Variants in PCDHGA2 observed in about 807,000 individuals in gnomAD.
PCDHGA2 encodes protocadherin gamma-A2.
In PCDHGA2, 40 loss-of-function variants were observed where a neutral mutation model predicts 59.2. The ratio of observed to expected loss-of-function variants is 0.68; its 90% CI spans 0.52 to 0.88. The LOEUF (loss-of-function observed/expected upper bound fraction) is 0.88. PCDHGA2 is among the 40% of genes least tolerant of loss of function. The pLI is 0.00. For missense variants in PCDHGA2, 1,226 were observed against 1,204.0 expected (o/e 1.02, Z -0.27); for synonymous variants, 560 against 526.0 (o/e 1.06, Z -0.89).
intron 1 of PCDHGA2, chr5:141,374,879 G>C (rs767481676): frequency 6.2e-7 from 1 of 1,613,694 alleles, no homozygotes; most frequent in Admixed American, 1.7e-5. Flanking sequence ...GGCAGTGACT[G>C]CCACCGACCA....
rs374176829 is a variant in PCDHGA2 at position 141,350,876 on chromosome 5, C to A, written c.2424+9481C>A. The A allele has an allele frequency of 3.7e-6, 6 of 1,613,936 alleles. No homozygotes were observed. In the Admixed American group the frequency reaches 6.7e-5, roughly 18 times the overall value. On this transcript the variant is annotated intron_variant, in intron 1 of 3. Coordinates refer to ENST00000394576, the MANE Select transcript of PCDHGA2 (RefSeq NM_018915.4). The stretch of plus-strand genomic sequence containing the variant: ...AGACAGGGAACATCAGAGCTCTCAT[C>A]GCTTAATCCTGACTGCCATGGATGG...
chr5:141,393,274 T>G (rs747983531), intron 1 of PCDHGA2: 11 of 1,613,952 alleles, frequency 6.8e-6, no homozygotes, highest in Non-Finnish European at 9.3e-6. Flanking sequence ...CGTTATCCAC[T>G]CCCAGAAGCT....
At chr5:141,413,230 C>A in intron 1 of PCDHGA2, 1 of 1,613,942 alleles carries the variant, frequency 6.2e-7, no homozygotes. Context: ...CGGGCTGGTC[C>A]TGCTCTGCCT....
intron 1 of PCDHGA2, chr5:141,370,178 C>G (rs1214381916): frequency 2.2e-5 from 10 of 463,756 alleles, no homozygotes; most frequent in Non-Finnish European, 2.6e-5. Context: ...CGCCGGGTGC[C>G]GCTCTTGGCT....
chr5:141,430,904 T>C (rs2097322701), intron 1 of PCDHGA2: 5 of 1,606,730 alleles, frequency 3.1e-6, no homozygotes, highest in Middle Eastern at 1.7e-4. Context: ...GGGCGACATC[T>C]CCAGGGACCT....
intron 1 of PCDHGA2, chr5:141,402,822 C>G (rs1038768509): frequency 7.7e-7 from 1 of 1,302,260 alleles, no homozygotes; most frequent in African/African-American, 1.5e-5. Flanking sequence ...CAAACCTGCT[C>G]CCAGGCTGCA....
At chr5:141,468,783 G>T (rs908838744) in intron 1 of PCDHGA2, among the ~76,000 whole-genome samples, 5 of 151,346 alleles carry the variant, frequency 3.3e-5, no homozygotes, top group East Asian at 2.0e-4. Flanking sequence ...GGAGAATGGC[G>T]TGAACCCGGG....
In PCDHGA2 at chr5:141,357,289, G is replaced by C. The variant is rs369077752; in HGVS notation, c.2424+15894G>C. On this transcript the variant is annotated intron_variant, in intron 1 of 3. Transcript: ENST00000394576. Reference sequence around the variant, plus strand: ...CCTCACACTCTATCTCGTGGTGGCAGTGGCCGCTGTCTCCTGCGTCTTCCT... The same window carrying C: ...CCTCACACTCTATCTCGTGGTGGCACTGGCCGCTGTCTCCTGCGTCTTCCT... The C allele has an allele frequency of 1.9e-5, 31 of 1,613,842 alleles. No individual in the cohort carries two copies. Among genetic ancestry groups the C allele is most frequent in the African/African-American group, 2.7e-5 (2 of 74,940 alleles).
intron 1 of PCDHGA2, chr5:141,415,994 C>G: frequency 6.6e-6 from 2 of 303,006 alleles, no homozygotes; most frequent in East Asian, 6.9e-5. Context: ...GTTCTGAAGG[C>G]AGGTCTGGTA....
intron 1 of PCDHGA2, among the ~76,000 whole-genome samples, chr5:141,369,109 A>G (rs1037761317): frequency 1.3e-5 from 2 of 152,176 alleles, no homozygotes; most frequent in African/African-American, 4.8e-5. Flanking sequence ...TGGAATTAAA[A>G]CTGTAAGACA....
At chr5:141,344,169 G>T (rs1757378436) in intron 1 of PCDHGA2, 9 of 1,614,048 alleles carry the variant, frequency 5.6e-6, no homozygotes, top group Non-Finnish European at 7.6e-6. Context: ...TTCCTTCGTG[G>T]GCAACATCGC....
rs561908431 is a variant in PCDHGA2, at chr5:141,510,639, TATC to T, written c.2573-304_2573-302del. Among the ~76,000 whole-genome samples the T allele has an allele frequency of 8.5e-3, 1,289 of 152,298 alleles. 6 individuals carry two copies. Among genetic ancestry groups the T allele is most frequent in the Middle Eastern group, 0.058 (17 of 294 alleles). On this transcript the variant is annotated intron_variant, in intron 3 of 3. Transcript: ENST00000394576. ...TAAAACCAGAAGAGGTGGTTACCAT[TATC>T]ATCCCCATTTTGCAGATGAGAAAAC...
chr5:141,420,933 T>C (rs1227912236), intron 1 of PCDHGA2: 1 of 375,320 alleles, frequency 2.7e-6, no homozygotes, highest in African/African-American at 2.1e-5. Context: ...GTGAGCGTAA[T>C]CATTTCTTCT....
chr5:141,375,053 G>A, intron 1 of PCDHGA2: 1 of 1,614,046 alleles, frequency 6.2e-7, no homozygotes. Context: ...AGCCCGGGAT[G>A]GGCCAGGTCT....
intron 1 of PCDHGA2, among the ~76,000 whole-genome samples, chr5:141,456,083 G>A (rs2098842632): frequency 6.6e-6 from 1 of 151,960 alleles, no homozygotes; most frequent in South Asian, 2.1e-4. Context: ...ATTTTCAGTA[G>A]AGACGGGATT....
intron 1 of PCDHGA2, chr5:141,344,512 C>A (rs1412560848): frequency 1.2e-6 from 2 of 1,613,954 alleles, no homozygotes; most frequent in Admixed American, 3.3e-5. Context: ...GCTTTTGACC[C>A]AGATGTAGGC....
At chr5:141,403,276 C>A in intron 1 of PCDHGA2, 2 of 1,613,844 alleles carry the variant, frequency 1.2e-6, no homozygotes, top group South Asian at 2.2e-5. Flanking sequence ...ACTTTAAAGT[C>A]CTGGTTGAAG....
intron 1 of PCDHGA2, chr5:141,384,651 C>G (rs138410124): frequency 1.2e-6 from 2 of 1,614,076 alleles, no homozygotes; most frequent in Non-Finnish European, 1.7e-6. Context: ...CCGCAGAGCC[C>G]GGCTACCTGG....
intron 1 of PCDHGA2, among the ~76,000 whole-genome samples, chr5:141,461,980 C>G (rs759291534): frequency 9.2e-5 from 14 of 152,176 alleles, no homozygotes; most frequent in Non-Finnish European, 1.5e-4. Flanking sequence ...TATGCCACCA[C>G]GCCAGGCTAA....
Sources: gnomAD v4.1 joint callset for allele counts (sites outside exome capture counted in the v4.1 genomes callset) on GRCh38, gnomAD v4.1.1 for gene constraint, MANE v1.5 for transcripts, NCBI Gene and HGNC (gene_info 2026-07-23, HGNC 2026-07-21) for gene names.